MYH11: variants seen among roughly 807,000 people sequenced by gnomAD.
MYH11 encodes myosin heavy chain 11.
MYH11 carries 80 observed loss-of-function variants against 246.6 expected under a neutral mutation model. That is an observed-to-expected ratio of 0.32 (90% CI 0.27 to 0.39). The LOEUF (loss-of-function observed/expected upper bound fraction) is 0.39. MYH11 is among the 10% of genes least tolerant of loss of function. The pLI, the probability that MYH11 is intolerant of heterozygous loss-of-function variation, is 1.00. For missense variants in MYH11, 2,158 were observed against 2,546.8 expected (o/e 0.85, Z 3.29); for synonymous variants, 1,071 against 1,015.5 (o/e 1.05, Z -1.04).
intron 22 of MYH11, among the ~76,000 whole-genome samples, chr16:15,740,797 C>A (rs2041252929): frequency 6.6e-6 from 1 of 152,070 alleles, no homozygotes; most frequent in African/African-American, 2.4e-5. Context: ...TTGCTTCTAA[C>A]AACAACAACA....
At chr16:15,754,865 T>C (rs1240171681) in intron 14 of MYH11, among the ~76,000 whole-genome samples, 2 of 152,214 alleles carry the variant, frequency 1.3e-5, no homozygotes, top group South Asian at 2.1e-4. Flanking sequence ...TTTTTATTTT[T>C]AGCAGAGACG....
At position 15,762,766 on chromosome 16, in the gene MYH11, G is replaced by A. The variant is rs146493998; in HGVS notation, c.1129+1030C>T. Among the ~76,000 whole-genome samples, 235 of 152,308 alleles carry A rather than the reference G, an allele frequency of 1.5e-3. No homozygotes were observed. The Middle Eastern group carries it at 0.017, about 11-fold the overall frequency. The stretch of plus-strand genomic sequence containing the variant: ...TGTTCTCCCATGCAGCCGGCTCTGC[G>A]TGAGTTACTCTTACTCTATCGCAAT... On this transcript the variant is annotated intron_variant, in intron 10 of 40. Transcript: ENST00000300036.
At chr16:15,846,600 G>A (rs1361641284) in intron 1 of MYH11, among the ~76,000 whole-genome samples, 3 of 152,150 alleles carry the variant, frequency 2.0e-5, no homozygotes, top group Non-Finnish European at 4.4e-5. Flanking sequence ...TGTAATCCCA[G>A]CACTTTGAGA....
rs1567714522 is a variant in MYH11 at position 15,737,496 on chromosome 16, C to G, written c.3246G>C (p.Lys1082Asn). 6.2e-7 allele frequency: 1 copy of G among 1,613,944 alleles called. No homozygotes were observed. Among genetic ancestry groups the G allele is most frequent in the Non-Finnish European group, 8.5e-7 (1 of 1,180,038 alleles). Reference sequence around the variant, plus strand: ...CCTCCTCCTTCTTGGCCAGCTGCATCTTGAGCTCTGCGATCTGCGCCTGGA... The same window carrying G: ...CCTCCTCCTTCTTGGCCAGCTGCATGTTGAGCTCTGCGATCTGCGCCTGGA... Reference protein sequence around the residue: ...ADLQAQIAELKMQLAKKEEEL... With the variant: ...ADLQAQIAELNMQLAKKEEEL... Residue 1082 changes from lysine to asparagine, a missense_variant, in exon 25 of 41, where the codon AAG becomes AAC. Physicochemically the swap from Lys to Asn is moderately conservative, Grantham distance 94. Around this residue, in one of 11 missense-constraint regions of MYH11, gnomAD observed 284 missense variants for 315.4 expected, o/e 0.90. Transcript: ENST00000300036.
At chr16:15,854,751 T>G (rs1222378810) in intron 1 of MYH11, among the ~76,000 whole-genome samples, 1 of 152,172 alleles carries the variant, frequency 6.6e-6, no homozygotes, top group African/African-American at 2.4e-5. Context: ...ATATCTGCTC[T>G]TGGAATTACA....
intron 3 of MYH11, among the ~76,000 whole-genome samples, chr16:15,810,433 C>T (rs1175905324): frequency 1.3e-5 from 2 of 152,118 alleles, no homozygotes; most frequent in Non-Finnish European, 2.9e-5. Context: ...AAGATAAAAA[C>T]GTGAACTTTT....
chr16:15,846,808 A>T (rs1040805802), intron 1 of MYH11, among the ~76,000 whole-genome samples: 1 of 152,062 alleles, frequency 6.6e-6, no homozygotes, highest in Non-Finnish European at 1.5e-5. Flanking sequence ...ACAAAAATTA[A>T]CCGGTTGTGA....
intron 27 of MYH11, 61 bp from the exon 28 acceptor site, chr16:15,727,115 G>A: frequency 6.6e-7 from 1 of 1,515,000 alleles, no homozygotes; most frequent in Non-Finnish European, 9.1e-7. Context: ...AACGTTTCAG[G>A]CCCTGCCCTT....
At chr16:15,745,292 A>G in intron 19 of MYH11, 55 bp from the exon 20 acceptor site, 3 of 1,291,750 alleles carry the variant, frequency 2.3e-6, no homozygotes, top group Non-Finnish European at 1.1e-6. Flanking sequence ...CCTGCTGTCA[A>G]CAGAGCCCTG....
chr16:15,749,764 G>A (rs929681747), intron 16 of MYH11: 1 of 361,994 alleles, frequency 2.8e-6, no homozygotes, highest in Non-Finnish European at 5.1e-6. Context: ...CCATATAGAG[G>A]ACACAATCGC....
intron 5 of MYH11, chr16:15,784,804 AT>A: frequency 6.6e-7 from 1 of 1,512,322 alleles, no homozygotes; most frequent in Non-Finnish European, 9.1e-7. Context: ...TATGACTTTG[AT>A]CCCCCCAAAC....
At position 15,727,010 on chromosome 16, in the gene MYH11, C is replaced by G; in HGVS notation, c.3696G>C (p.Glu1232Asp). The G allele has an allele frequency of 1.2e-6, 2 of 1,612,046 alleles. No homozygotes were observed. The highest frequency in any genetic ancestry group is 1.7e-6 in the Non-Finnish European group (2 of 1,178,918). The change falls in exon 28 of 41, where the codon GAG becomes GAC. Residue 1232 changes from glutamate to aspartate, a missense_variant. By Grantham distance (45) the Glu-to-Asp change is conservative. This residue lies in a region of MYH11 where 1,013 missense variants were observed against 993.5 expected (regional missense o/e 1.02). Transcript: ENST00000300036. ...LDKNKQTLEK[E>D]NADLAGELRV... Reference sequence around the variant, plus strand: ...GCAGCTCCCCGGCCAGGTCTGCGTTCTCTTTCTCCAGCGTCTGCTTATTCT... The same window carrying G: ...GCAGCTCCCCGGCCAGGTCTGCGTTGTCTTTCTCCAGCGTCTGCTTATTCT...
At chr16:15,738,408 G>A (rs954399797) in intron 24 of MYH11, among the ~76,000 whole-genome samples, 157 bp downstream of exon 24, 3 of 152,156 alleles carry the variant, frequency 2.0e-5, no homozygotes, top group African/African-American at 7.2e-5. Flanking sequence ...AGCTGCTCAG[G>A]AGGCTGAGGC....
At chr16:15,730,782 A>T (rs2040937396) in intron 27 of MYH11, among the ~76,000 whole-genome samples, 2 of 151,844 alleles carry the variant, frequency 1.3e-5, no homozygotes, top group South Asian at 4.1e-4. Flanking sequence ...AAGCTAAAAA[A>T]CTTACCCTGG....
intron 20 of MYH11, among the ~76,000 whole-genome samples, chr16:15,744,622 C>T (rs1006422050): frequency 6.6e-5 from 10 of 152,144 alleles, no homozygotes; most frequent in Non-Finnish European, 1.3e-4. Context: ...CCTGCCTTAG[C>T]CTCCTGAGTA....
chr16:15,752,992 T>C (rs553784218), intron 15 of MYH11, among the ~76,000 whole-genome samples: 2 of 152,140 alleles, frequency 1.3e-5, no homozygotes, highest in South Asian at 2.1e-4. Context: ...TATTATTGCA[T>C]CTCCTGTTTT....
At chr16:15,837,810 C>G (rs370529709) in intron 2 of MYH11, 98 bp downstream of exon 2, 2 of 1,137,744 alleles carry the variant, frequency 1.8e-6, no homozygotes, top group Non-Finnish European at 2.6e-6. Flanking sequence ...GCTGGGAGTA[C>G]AGGCATGAGC....
intron 4 of MYH11, among the ~76,000 whole-genome samples, chr16:15,787,882 G>C (rs1171830917): frequency 2.0e-5 from 3 of 151,960 alleles, no homozygotes; most frequent in Non-Finnish European, 4.4e-5. Context: ...TCACTGGGCA[G>C]ATGCAAGCCC....
In MYH11 at chr16:15,754,991, T is replaced by A. The variant is rs2041673159; in HGVS notation, c.1749+1350A>T. Reference sequence around the variant, plus strand: ...ACACCCAGCCAAGTCATACAGTCTTTGTCGCAGCTACTCAACTCTAGCACT... The same window carrying A: ...ACACCCAGCCAAGTCATACAGTCTTAGTCGCAGCTACTCAACTCTAGCACT... On this transcript the variant is annotated intron_variant, in intron 14 of 40. Coordinates refer to ENST00000300036, the MANE Select transcript of MYH11 (RefSeq NM_002474.3). Among the ~76,000 whole-genome samples, 5 of 152,336 alleles carry A rather than the reference T, an allele frequency of 3.3e-5. 1 individual carries two copies. In the South Asian group the frequency reaches 1.0e-3, roughly 32 times the overall value.
Sources: allele counts gnomAD v4.1 joint callset (sites outside exome capture counted in the v4.1 genomes callset), GRCh38; gene constraint gnomAD v4.1.1; regional missense constraint gnomAD v4.1.1; transcripts MANE v1.5; gene names NCBI Gene and HGNC (gene_info 2026-07-23, HGNC 2026-07-21).